Variants in ALG8 observed in about 807,000 individuals in gnomAD.
ALG8 encodes dolichyl pyrophosphate Glc1Man9GlcNAc2 alpha-1,3-glucosyltransferase.
A neutral mutation model predicts 70.2 loss-of-function variants in ALG8; 48 were observed. That is an observed-to-expected ratio of 0.68 (90% CI 0.54 to 0.87). The LOEUF (loss-of-function observed/expected upper bound fraction) is 0.87, where lower values mean the gene tolerates loss of function less well. Among genes scored for constraint, ALG8 ranks in the 40% least tolerant of loss-of-function variants. The pLI is 0.00. For synonymous variants in ALG8, 234 were observed against 229.0 expected (o/e 1.02, Z -0.20); for missense variants, 572 against 608.7 (o/e 0.94, Z 0.64).
intron 1 of ALG8, among the ~76,000 whole-genome samples, chr11:78,133,088 G>A (rs556900570): frequency 6.6e-6 from 1 of 152,176 alleles, no homozygotes; most frequent in South Asian, 2.1e-4. Flanking sequence ...GCCCGCCTCG[G>A]CCTCCCAAAG....
chr11:78,127,589 A>C, intron 1 of ALG8, 153 bp from the exon 2 acceptor site: 1 of 724,616 alleles, frequency 1.4e-6, no homozygotes, highest in South Asian at 1.7e-5. Context: ...TAATCCTGTA[A>C]AACCTCATTT....
intron 1 of ALG8, 70 bp from the exon 2 acceptor site, chr11:78,127,506 T>C: frequency 7.6e-7 from 1 of 1,318,498 alleles, no homozygotes; most frequent in Middle Eastern, 2.0e-4. Flanking sequence ...CCCATAGTTA[T>C]GCTTTTAAAT....
At chr11:78,118,738 G>A (rs1269407060) in intron 5 of ALG8, among the ~76,000 whole-genome samples, 1 of 151,912 alleles carries the variant, frequency 6.6e-6, no homozygotes, top group Non-Finnish European at 1.5e-5. Context: ...GAGGTCAGGA[G>A]TTCGAGCCAA....
intron 2 of ALG8, among the ~76,000 whole-genome samples, chr11:78,125,292 A>AT (rs1433514444): frequency 6.6e-6 from 1 of 151,706 alleles, no homozygotes; most frequent in Non-Finnish European, 1.5e-5. Flanking sequence ...TCGGCCTCCC[A>AT]AAGTGCTGGG....
intron 5 of ALG8, 64 bp from the exon 6 acceptor site, chr11:78,114,456 T>G: frequency 6.3e-7 from 1 of 1,580,654 alleles, no homozygotes; most frequent in East Asian, 2.3e-5. Flanking sequence ...AATAATGTGG[T>G]ATTCTAGATT....
intron 10 of ALG8, among the ~76,000 whole-genome samples, chr11:78,105,598 G>A (rs1215907502): frequency 6.8e-6 from 1 of 146,498 alleles, no homozygotes; most frequent in African/African-American, 2.6e-5. Flanking sequence ...GTGCCCAGTA[G>A]TTTGAGACCA....
At chr11:78,139,411 C>T in intron 1 of ALG8, 83 bp downstream of exon 1, 1 of 1,326,856 alleles carries the variant, frequency 7.5e-7, no homozygotes, top group South Asian at 1.3e-5. Context: ...CTCTTCATAC[C>T]CAGGGATATC....
Position 78,128,617 on chromosome 11 carries a change from T to C in ALG8, c.96-1181A>G, listed in dbSNP as rs373128918. 8.6e-4 allele frequency among the ~76,000 whole-genome samples: 131 copies of C among 151,728 alleles called. 1 individual carries two copies. In the South Asian group the frequency reaches 0.027, roughly 31 times the overall value. ...TAATGATGACTCCCAAATTACTTTT[T>C]TTTTTTTTTTTGGAGACGGAGTCTC... is the stretch of plus-strand genomic sequence containing the variant. On this transcript the variant is annotated intron_variant, in intron 1 of 12. Coordinates refer to ENST00000299626, the MANE Select transcript of ALG8 (RefSeq NM_024079.5).
intron 10 of ALG8, 79 bp downstream of exon 10, chr11:78,106,728 C>G: frequency 6.3e-7 from 1 of 1,588,888 alleles, no homozygotes; most frequent in Non-Finnish European, 8.6e-7. Flanking sequence ...GTGAACATGA[C>G]AAGAAGGGAC....
intron 1 of ALG8, among the ~76,000 whole-genome samples, chr11:78,129,262 T>C (rs1356294887): frequency 6.6e-6 from 1 of 151,144 alleles, no homozygotes; most frequent in African/African-American, 2.4e-5. Context: ...CTAGTAAAAA[T>C]ATAAAAAATT....
chr11:78,131,741 C>T (rs527887344), intron 1 of ALG8, among the ~76,000 whole-genome samples: 4 of 152,258 alleles, frequency 2.6e-5, no homozygotes, highest in African/African-American at 7.2e-5. Context: ...GCTGGGATTA[C>T]AGGTGTGAGC....
At chr11:78,138,228 A>G (rs2136956104) in intron 1 of ALG8, among the ~76,000 whole-genome samples, 1 of 152,176 alleles carries the variant, frequency 6.6e-6, no homozygotes, top group East Asian at 1.9e-4. Flanking sequence ...GCAAGCCTGT[A>G]ATCCCAGCTA....
chr11:78,129,595 G>C (rs1861220032), intron 1 of ALG8, among the ~76,000 whole-genome samples: 1 of 152,150 alleles, frequency 6.6e-6, no homozygotes, highest in South Asian at 2.1e-4. Context: ...CCCTTTCAAG[G>C]AGTTTGAAAT....
intron 12 of ALG8, among the ~76,000 whole-genome samples, chr11:78,102,141 G>A (rs1180668708): frequency 6.6e-6 from 1 of 152,150 alleles, no homozygotes; most frequent in Non-Finnish European, 1.5e-5. Flanking sequence ...GTATTAAGTA[G>A]ATCAATAATA....
chr11:78,130,598 T>C (rs1861269833), intron 1 of ALG8, among the ~76,000 whole-genome samples: 1 of 152,134 alleles, frequency 6.6e-6, no homozygotes, highest in Non-Finnish European at 1.5e-5. Flanking sequence ...GCTTATTCCA[T>C]TGGTTTTTAG....
At chr11:78,119,447 G>A (rs1308189703) in intron 4 of ALG8, among the ~76,000 whole-genome samples, 198 bp from the exon 5 acceptor site, 1 of 62,022 alleles carries the variant, frequency 1.6e-5, no homozygotes. Context: ...TTTTTTTTTT[G>A]AGATGGAGTC....
chr11:78,112,032 G>A (rs1340533155), intron 8 of ALG8, among the ~76,000 whole-genome samples: 2 of 152,138 alleles, frequency 1.3e-5, no homozygotes, highest in East Asian at 3.9e-4. Context: ...AGCACTTTGG[G>A]AAGCCAAGGT....
intron 12 of ALG8, 132 bp downstream of exon 12, chr11:78,103,848 T>C (rs138929488): frequency 3.7e-6 from 2 of 542,958 alleles, no homozygotes; most frequent in African/African-American, 3.8e-5. Flanking sequence ...TCTCCCTCTA[T>C]TTACCAATTT....
intron 2 of ALG8, among the ~76,000 whole-genome samples, chr11:78,126,493 CT>C (rs1861084273): frequency 1.4e-5 from 2 of 146,418 alleles, no homozygotes; most frequent in South Asian, 4.2e-4. Flanking sequence ...GATTGTGCCA[CT>C]GCACTCCAGC....
Sources: gnomAD v4.1 joint callset for allele counts (sites outside exome capture counted in the v4.1 genomes callset) on GRCh38, gnomAD v4.1.1 for gene constraint, MANE v1.5 for transcripts, NCBI Gene and HGNC (gene_info 2026-07-23, HGNC 2026-07-21) for gene names.